The following ABCA13 variants were observed in gnomAD, a reference collection of about 807,000 sequenced individuals.
ABCA13 encodes ATP binding cassette subfamily A member 13, also known as ATP-binding cassette sub-family A member 13.
Under a neutral mutation model 478.7 loss-of-function variants are expected in ABCA13, and 476 were observed. The ratio of observed to expected loss-of-function variants is 0.99; its 90% confidence interval spans 0.92 to 1.07. The LOEUF (loss-of-function observed/expected upper bound fraction) is 1.07, where lower values mean the gene tolerates loss of function less well. Among genes scored for constraint, ABCA13 ranks in the 50% least tolerant of loss-of-function variants. The pLI is 0.00. For synonymous variants in ABCA13, 2,252 were observed against 2,158.9 expected (o/e 1.04, Z -1.20); for missense variants, 6,060 against 5,910.6 (o/e 1.03, Z -0.83).
chr7:48,192,937 T>TA (rs1298553629), intron 1 of ABCA13, 22 bp from the exon 2 acceptor site: 1 of 1,475,874 alleles, frequency 6.8e-7, no homozygotes, highest in Admixed American at 2.4e-5. Flanking sequence ...CAGGTGATTT[T>TA]TTTTTTTTTT....
intron 35 of ABCA13, among the ~76,000 whole-genome samples, chr7:48,378,471 A>G (rs963649943): frequency 2.0e-5 from 3 of 152,194 alleles, no homozygotes; most frequent in Non-Finnish European, 4.4e-5. Flanking sequence ...CATCTGAACC[A>G]TGCCACATTT....
At position 48,274,567 on chromosome 7, in the gene ABCA13, T is replaced by A; in HGVS notation, c.4901T>A (p.Leu1634Gln). 6.2e-7 allele frequency: 1 copy of A among 1,613,942 alleles called. No individual in the cohort carries two copies. Among genetic ancestry groups the A allele is most frequent in the Non-Finnish European group, 8.5e-7 (1 of 1,179,852 alleles). ...IMKATGLGIQ[L>Q]IRDVFNSLMP... is the part of the protein sequence containing the mutation. ...AAAGCTACAGGTCTTGGTATTCAAC[T>A]GATAAGGGATGTGTTCAACTCCTTA... The change falls in exon 17 of 62, where the codon CTG (leucine) becomes CAG (glutamine). Residue 1634 changes from leucine (L) to glutamine (Q), a missense_variant. By Grantham distance (113) the Leu-to-Gln change is moderately radical (BLOSUM62 -2). Coordinates refer to ENST00000435803, the MANE Select transcript of ABCA13 (RefSeq NM_152701.5).
chr7:48,356,867 A>G (rs1387688002), intron 31 of ABCA13, among the ~76,000 whole-genome samples: 1 of 152,026 alleles, frequency 6.6e-6, no homozygotes, highest in East Asian at 1.9e-4. Context: ...TGTTGCTTCA[A>G]AGAATAAGCC....
chr7:48,243,756 C>T (rs1456685416), intron 10 of ABCA13, among the ~76,000 whole-genome samples: 1 of 152,240 alleles, frequency 6.6e-6, no homozygotes, highest in Non-Finnish European at 1.5e-5. Flanking sequence ...GGACGCCAGG[C>T]ACTCAAAGCA....
chr7:48,204,503 G>A (rs555252473), intron 3 of ABCA13, among the ~76,000 whole-genome samples: 3 of 152,200 alleles, frequency 2.0e-5, no homozygotes, highest in South Asian at 2.1e-4. Flanking sequence ...GAGCCACCGC[G>A]CCCGGCCTAT....
chr7:48,339,950 C>T (rs1259361620), intron 29 of ABCA13, among the ~76,000 whole-genome samples: 3 of 152,088 alleles, frequency 2.0e-5, no homozygotes, highest in Non-Finnish European at 4.4e-5. Flanking sequence ...TTACTGCATG[C>T]ACCCTTTTAA....
chr7:48,535,720 A>G (rs1445240059), intron 55 of ABCA13, among the ~76,000 whole-genome samples: 2 of 151,982 alleles, frequency 1.3e-5, no homozygotes, highest in Non-Finnish European at 2.9e-5. Context: ...TTCTCAGGCC[A>G]GTGGATTTAT....
intron 59 of ABCA13, among the ~76,000 whole-genome samples, chr7:48,633,865 G>A (rs574640385): frequency 3.3e-5 from 5 of 151,878 alleles, no homozygotes; most frequent in Non-Finnish European, 4.4e-5. Context: ...CTCCACTCTG[G>A]GTGACAGAGT....
At chr7:48,246,800 T>G (rs192052770) in intron 13 of ABCA13, among the ~76,000 whole-genome samples, 1 of 152,260 alleles carries the variant, frequency 6.6e-6, no homozygotes, top group African/African-American at 2.4e-5. Context: ...AGACACTATC[T>G]TGGTAGAGAA....
chr7:48,228,591 G>A (rs1201332859), intron 6 of ABCA13, among the ~76,000 whole-genome samples: 1 of 152,180 alleles, frequency 6.6e-6, no homozygotes, highest in Non-Finnish European at 1.5e-5. Flanking sequence ...GCACATAGGG[G>A]AGGAGTGGAC....
At chr7:48,643,094 T>C (rs1466117501) in intron 59 of ABCA13, among the ~76,000 whole-genome samples, 194 bp from the exon 60 acceptor site, 1 of 152,200 alleles carries the variant, frequency 6.6e-6, no homozygotes, top group Non-Finnish European at 1.5e-5. Context: ...AGTGTCTGTG[T>C]CAATATAAAT....
chr7:48,209,628 A>C (rs1293871932), intron 3 of ABCA13, among the ~76,000 whole-genome samples: 16 of 152,138 alleles, frequency 1.1e-4, no homozygotes, highest in African/African-American at 3.6e-4. Context: ...TATTTCTTCT[A>C]AGTTTTTCAG....
At chr7:48,281,574 T>A in intron 19 of ABCA13, 122 bp downstream of exon 19, 1 of 877,092 alleles carries the variant, frequency 1.1e-6, no homozygotes, top group Non-Finnish European at 1.7e-6. Context: ...GCTGTCTTAG[T>A]CTGGCAACCA....
intron 45 of ABCA13, among the ~76,000 whole-genome samples, chr7:48,477,801 T>C (rs983909389): frequency 1.3e-5 from 2 of 150,476 alleles, no homozygotes; most frequent in African/African-American, 2.4e-5. Flanking sequence ...AATGACGAGT[T>C]AATGGGTGCA....
rs185929715 is a variant in ABCA13, at chr7:48,316,857, A to G, written c.9860-300A>G. Among the ~76,000 whole-genome samples the G allele has an allele frequency of 3.3e-3, 498 of 152,252 alleles. 19 individuals are homozygous for G. The highest frequency in any genetic ancestry group is 0.032 in the Admixed American group (495 of 15,292). On this transcript the variant is annotated intron_variant, in intron 26 of 61. Coordinates refer to ENST00000435803, the MANE Select transcript of ABCA13 (RefSeq NM_152701.5). ...TAAACAAGCAGCTCTCTTGGGAACT[A>G]ATAGAGTGAGAACTACACTCATTAC...
At chr7:48,316,231 T>C (rs936926850) in intron 26 of ABCA13, among the ~76,000 whole-genome samples, 1 of 152,118 alleles carries the variant, frequency 6.6e-6, no homozygotes, top group African/African-American at 2.4e-5. Flanking sequence ...GGCAATTTAA[T>C]ATGTCAAAAT....
intron 59 of ABCA13, among the ~76,000 whole-genome samples, chr7:48,630,189 A>G (rs955230850): frequency 6.6e-6 from 1 of 152,092 alleles, no homozygotes; most frequent in Non-Finnish European, 1.5e-5. Flanking sequence ...TTTTAGGGGT[A>G]TAGGTGTGGA....
intron 43 of ABCA13, among the ~76,000 whole-genome samples, chr7:48,460,461 G>C (rs1264058897): frequency 1.3e-5 from 2 of 152,052 alleles, no homozygotes; most frequent in South Asian, 2.1e-4. Flanking sequence ...TCAGCCTCCT[G>C]TCTTCATGTG....
chr7:48,607,585 A>G (rs1018669894), intron 58 of ABCA13, among the ~76,000 whole-genome samples: 1 of 152,142 alleles, frequency 6.6e-6, no homozygotes, highest in African/African-American at 2.4e-5. Flanking sequence ...TTTCTTCTAA[A>G]TCTAGCATCT....
Sources: gnomAD v4.1 joint callset for allele counts (sites outside exome capture counted in the v4.1 genomes callset) on GRCh38, gnomAD v4.1.1 for gene constraint, MANE v1.5 for transcripts, NCBI Gene and HGNC (gene_info 2026-07-23, HGNC 2026-07-21) for gene names.